LATS1: variants seen among roughly 807,000 people sequenced by gnomAD.
LATS1 encodes the protein serine/threonine-protein kinase LATS1.
In LATS1, 25 loss-of-function variants were observed where a neutral mutation model predicts 106.6. That is an observed-to-expected ratio of 0.23 (90% confidence interval 0.17 to 0.33). The LOEUF is 0.33. Ranked by LOEUF, LATS1 falls within the 10% of genes least tolerant of loss-of-function variation. LATS1 has a pLI of 1.00. For synonymous variants in LATS1, 465 were observed against 455.6 expected, an observed-to-expected ratio of 1.02 and a Z score of -0.26; for missense variants, 1,040 against 1,382.6, an observed-to-expected ratio of 0.75 and a Z score of 3.93.
At chr6:149,678,180 A>AT (rs1237509819) in intron 5 of LATS1, among the ~76,000 whole-genome samples, 9 of 147,684 alleles carry the variant, frequency 6.1e-5, no homozygotes, top group African/African-American at 2.2e-4. Flanking sequence ...AAAAAAAAAA[A>AT]AAAAAAAAAA....
intron 7 of LATS1, among the ~76,000 whole-genome samples, chr6:149,672,146 C>T (rs1420738499): frequency 6.6e-6 from 1 of 151,406 alleles, no homozygotes; most frequent in Admixed American, 6.6e-5. Flanking sequence ...GCCCACCTGA[C>T]CTCCCAAAGT....
At chr6:149,681,339 T>C (rs1182144246) in intron 4 of LATS1, among the ~76,000 whole-genome samples, 1 of 152,170 alleles carries the variant, frequency 6.6e-6, no homozygotes, top group Non-Finnish European at 1.5e-5. Context: ...ATTCTAGAAA[T>C]ACAAGACTAA....
intron 7 of LATS1, among the ~76,000 whole-genome samples, chr6:149,670,503 A>T (rs1438923184): frequency 6.6e-6 from 1 of 152,002 alleles, no homozygotes; most frequent in Non-Finnish European, 1.5e-5. Context: ...GTGTGAACCC[A>T]CTACATCTAC....
intron 7 of LATS1, among the ~76,000 whole-genome samples, chr6:149,665,302 C>T (rs1034101459): frequency 2.0e-5 from 3 of 152,170 alleles, no homozygotes; most frequent in African/African-American, 7.2e-5. Flanking sequence ...GCAGAGGTTG[C>T]AGTGAGCCAA....
intron 2 of LATS1, among the ~76,000 whole-genome samples, chr6:149,700,757 A>G (rs568702263): frequency 7.2e-5 from 11 of 152,350 alleles, no homozygotes; most frequent in Admixed American, 5.2e-4. Context: ...GCAATCAGAA[A>G]AAACATTACT....
chr6:149,712,559 G>A (rs565991168), intron 1 of LATS1, among the ~76,000 whole-genome samples: 4 of 151,734 alleles, frequency 2.6e-5, no homozygotes, highest in Middle Eastern at 3.4e-3. Flanking sequence ...CTATGTTGAC[G>A]AGGCTGGTCT....
At chr6:149,713,931 A>AT (rs1160326917) in intron 1 of LATS1, among the ~76,000 whole-genome samples, 1 of 151,498 alleles carries the variant, frequency 6.6e-6, no homozygotes, top group Non-Finnish European at 1.5e-5. Flanking sequence ...AAGTGCTGGG[A>AT]TTATATAGGC....
intron 1 of LATS1, among the ~76,000 whole-genome samples, chr6:149,702,790 G>C (rs561798272): frequency 6.6e-6 from 1 of 152,076 alleles, no homozygotes; most frequent in Admixed American, 6.6e-5. Context: ...TCCTGCCTCA[G>C]CCTCCCCAAT....
chr6:149,682,352 A>C (rs1426971105), intron 4 of LATS1, among the ~76,000 whole-genome samples: 1 of 152,078 alleles, frequency 6.6e-6, no homozygotes, highest in East Asian at 1.9e-4. Flanking sequence ...ATAAACTCCA[A>C]ATTTTCTAAA....
intron 1 of LATS1, among the ~76,000 whole-genome samples, chr6:149,706,183 C>CAAAAGAAA (rs1402124612): frequency 5.9e-4 from 15 of 25,300 alleles, no homozygotes; most frequent in Admixed American, 2.8e-3. Flanking sequence ...AACCCGGTCG[C>CAAAAGAAA]AAAAAAAAAA....
chr6:149,676,773 A>G (rs375859778), intron 5 of LATS1, 36 bp from the exon 6 acceptor site: 20 of 1,562,606 alleles, frequency 1.3e-5, no homozygotes, highest in Non-Finnish European at 1.7e-5. Context: ...AAAGTCAACA[A>G]TGACAACAGT....
At position 149,701,967 on chromosome 6, in the gene LATS1, T is replaced by G. The variant is rs759856872; in HGVS notation, c.160A>C (p.Met54Leu). Residue 54 changes from methionine to leucine, a missense_variant, in exon 2 of 8, where the codon ATG becomes CTG. Physicochemically the swap from Met to Leu is conservative, Grantham distance 15. Around this residue, in one of 7 missense-constraint regions of LATS1, gnomAD observed 624 missense variants for 714.8 expected, o/e 0.87. Transcript: ENST00000543571. ...PSDAAKAEHN[M>L]SKMSTEDPRQ... ...GGATCTTCGGTTGACATTTTACTCA[T>G]GTTATGCTCAGCCTTAGCAGCATCA... 1 of 1,614,206 alleles carries G rather than the reference T, an allele frequency of 6.2e-7. No individual in the cohort carries two copies. The highest frequency in any genetic ancestry group is 1.1e-5 in the South Asian group (1 of 91,084).
intron 7 of LATS1, 47 bp from the exon 8 acceptor site, chr6:149,662,285 T>C (rs1172013214): frequency 6.9e-7 from 1 of 1,441,946 alleles, no homozygotes; most frequent in Non-Finnish European, 9.3e-7. Context: ...ATTAGAAAAA[T>C]AAAGATTTCC....
rs538364850 is a variant in LATS1, at chr6:149,682,480, C to T, written c.2010+599G>A. Among the ~76,000 whole-genome samples, 118 of 149,644 alleles carry T rather than the reference C, an allele frequency of 7.9e-4. 1 individual carries two copies. The highest frequency in any genetic ancestry group is 5.3e-3 in the South Asian group (25 of 4,742). On this transcript the variant is annotated intron_variant, in intron 4 of 7. Transcript: ENST00000543571. Reference sequence around the variant, plus strand: ...ACACTGGAGTGCAGTGGCGCGATCTCGGCTCACTGCAACCTCCGCCTCCGG... The same window carrying T: ...ACACTGGAGTGCAGTGGCGCGATCTTGGCTCACTGCAACCTCCGCCTCCGG...
intron 1 of LATS1, among the ~76,000 whole-genome samples, chr6:149,714,475 G>A (rs1784277400): frequency 6.6e-6 from 1 of 152,080 alleles, no homozygotes; most frequent in African/African-American, 2.4e-5. Flanking sequence ...TGCAATTAAA[G>A]GCATAAGTAA....
intron 7 of LATS1, among the ~76,000 whole-genome samples, chr6:149,669,449 G>A (rs1281021399): frequency 1.3e-5 from 2 of 151,968 alleles, no homozygotes; most frequent in Non-Finnish European, 2.9e-5. Flanking sequence ...GGTTTTAAAC[G>A]TATGTAGATG....
chr6:149,709,109 T>A (rs1036576192), intron 1 of LATS1, among the ~76,000 whole-genome samples: 2 of 152,152 alleles, frequency 1.3e-5, no homozygotes, highest in Non-Finnish European at 2.9e-5. Context: ...ACCATCTGAA[T>A]GAACCCCTCC....
intron 1 of LATS1, among the ~76,000 whole-genome samples, chr6:149,704,324 T>G (rs969151216): frequency 6.6e-6 from 1 of 152,020 alleles, no homozygotes; most frequent in African/African-American, 2.4e-5. Flanking sequence ...TTCTATATAA[T>G]GTACAGATAT....
Position 149,684,115 on chromosome 6 carries a change from A to G in LATS1, c.974T>C (p.Val325Ala), listed in dbSNP as rs752982434. Residue 325 changes from valine (V) to alanine (A), a missense_variant, in exon 4 of 8, where the codon GTT becomes GCT. Coordinates refer to ENST00000543571, the MANE Select transcript of LATS1 (RefSeq NM_004690.4). ...QGQRGISSVPVGRQPIIMQSS... is the reference protein window; with the variant it reads ...QGQRGISSVPAGRQPIIMQSS... ...CTGCATGATGATTGGTTGTCTGCCA[A>G]CAGGAACAGAACTAATGCCTCTCTG... The G allele has an allele frequency of 6.2e-7, 1 of 1,614,214 alleles. No homozygotes were observed. The highest frequency in any genetic ancestry group is 8.5e-7 in the Non-Finnish European group (1 of 1,180,024).
Sources: gnomAD v4.1 joint callset for allele counts (sites outside exome capture counted in the v4.1 genomes callset) on GRCh38, gnomAD v4.1.1 for gene constraint, gnomAD v4.1.1 regional missense constraint, MANE v1.5 for transcripts, NCBI Gene and HGNC (gene_info 2026-07-23, HGNC 2026-07-21) for gene names.